Variants in CUBN observed in about 807,000 individuals in gnomAD.
CUBN encodes cubilin, also known as 460 kDa receptor.
A neutral mutation model predicts 405.3 loss-of-function variants in CUBN; 282 were observed. That is an observed-to-expected ratio of 0.70 (90% CI 0.63 to 0.77). The LOEUF is 0.77. Ranked by LOEUF, CUBN falls within the 30% of genes least tolerant of loss-of-function variation. The probability of loss-of-function intolerance (pLI) is 0.00; values close to 1 mark genes in which losing one functional copy is unlikely to be tolerated. For missense variants in CUBN, 4,514 were observed against 4,475.2 expected (o/e 1.01, Z -0.25); for synonymous variants, 1,684 against 1,617.0 (o/e 1.04, Z -0.99).
intron 19 of CUBN, among the ~76,000 whole-genome samples, chr10:17,070,549 T>C (rs1299205321): frequency 6.6e-6 from 1 of 152,192 alleles, no homozygotes; most frequent in Non-Finnish European, 1.5e-5. Flanking sequence ...TCAAGGACGT[T>C]TTATAGTCTC....
At chr10:16,947,411 C>A (rs373326002) in intron 35 of CUBN, 44 bp from the exon 36 acceptor site, 50 of 1,605,210 alleles carry the variant, frequency 3.1e-5, no homozygotes, top group Non-Finnish European at 4.1e-5. Context: ...GCAAAGACTG[C>A]ATCAGACACT....
In CUBN at chr10:16,824,971, C is replaced by A. The variant is rs1210048101; in HGVS notation, c.*4G>T. 9 of 1,607,374 alleles carry A rather than the reference C, an allele frequency of 5.6e-6. No homozygotes were observed. The South Asian group carries it at 8.8e-5, about 16-fold the overall frequency. On this transcript the variant is annotated 3_prime_UTR_variant, in exon 67 of 67. Coordinates refer to ENST00000377833, the MANE Select transcript of CUBN (RefSeq NM_001081.4). The stretch of plus-strand genomic sequence containing the variant: ...GTGCTGAGTGAACACGAGTTGTTAC[C>A]CACTTAGCTGTCCCAAGTTAATCGG...
chr10:16,876,885 A>G lies in CUBN; in HGVS notation c.9106+12T>C. On this transcript the variant is annotated intron_variant, in intron 57 of 66. Coordinates refer to ENST00000377833, the MANE Select transcript of CUBN (RefSeq NM_001081.4). ...GAAGAAAATTCCAAACTCTGTCATT[A>G]TGGCTACTCACAGATTATCCTATAG... 6.2e-7 allele frequency: 1 copy of G among 1,610,200 alleles called. No homozygotes were observed. Among genetic ancestry groups the G allele is most frequent in the Non-Finnish European group, 8.5e-7 (1 of 1,176,570 alleles).
intron 27 of CUBN, among the ~76,000 whole-genome samples, chr10:17,021,554 G>A (rs1283700162): frequency 6.6e-6 from 1 of 152,226 alleles, no homozygotes; most frequent in African/African-American, 2.4e-5. Flanking sequence ...CTACTTAAGA[G>A]TATGTGTGAG....
intron 14 of CUBN, among the ~76,000 whole-genome samples, chr10:17,096,977 A>G (rs917235955): frequency 3.3e-5 from 5 of 152,148 alleles, no homozygotes; most frequent in Admixed American, 2.6e-4. Flanking sequence ...TAGTGCATAT[A>G]TTAGAAATTC....
intron 14 of CUBN, among the ~76,000 whole-genome samples, chr10:17,095,793 A>G (rs1443074889): frequency 6.6e-6 from 1 of 152,140 alleles, no homozygotes; most frequent in Admixed American, 6.6e-5. Context: ...CTGCACTTTC[A>G]TGTTCATTGC....
In CUBN at chr10:17,019,930, AG is replaced by A; in HGVS notation, c.4070del (p.Pro1357LeufsTer106). 6.2e-7 allele frequency: 1 copy of A among 1,614,066 alleles called. No individual in the cohort carries two copies. On this transcript the variant is annotated frameshift_variant, in exon 28 of 67. Transcript: ENST00000377833. LOFTEE classifies it high-confidence loss of function. ...GCTTGGAGCTTGTAGTACTCCCTGG[AG>A]GGGGCAGGTCTACTCCACAGTAGCG... Reference protein sequence around the residue: ...MGRYCGVDLPPPGSTTSSKLQ... With the variant: ...MGRYCGVDLPXPGSTTSSKLQ...
At chr10:17,127,117 T>C (rs1282879603) in intron 3 of CUBN, among the ~76,000 whole-genome samples, 1 of 152,190 alleles carries the variant, frequency 6.6e-6, no homozygotes, top group Non-Finnish European at 1.5e-5. Context: ...ACTTCCCCAA[T>C]AAGAAGATTG....
intron 56 of CUBN, among the ~76,000 whole-genome samples, chr10:16,884,087 C>T (rs1201336623): frequency 1.3e-5 from 2 of 152,208 alleles, no homozygotes; most frequent in Non-Finnish European, 2.9e-5. Flanking sequence ...TCACGCCATT[C>T]TCCTGCTTCA....
Position 16,825,051 on chromosome 10 carries a change from G to C in CUBN, c.10796C>G (p.Ser3599Ter), listed in dbSNP as rs751696833. Residue 3599 changes from serine (S) to a stop codon, truncating the protein, a stop_gained, in exon 67 of 67, where the codon TCA (serine) becomes TGA (stop). Transcript: ENST00000377833. LOFTEE classifies it low-confidence loss of function (END_TRUNC). Reference protein sequence around the residue: ...DTSIAPFVASSNQVFIKFHAD... With the variant: ...DTSIAPFVAS ...ATGAAATTTTATGAAGACCTGATTT[G>C]AGGAAGCCACGAAGGGAGCTATGCT... 1 of 1,613,644 alleles carries C rather than the reference G, an allele frequency of 6.2e-7. No individual in the cohort carries two copies. Among genetic ancestry groups the C allele is most frequent in the South Asian group, 1.1e-5 (1 of 91,060 alleles).
intron 39 of CUBN, among the ~76,000 whole-genome samples, chr10:16,937,227 A>C (rs1363137269): frequency 6.6e-6 from 1 of 152,176 alleles, no homozygotes. Flanking sequence ...AAAAATAGTT[A>C]CTTTTATGAG....
chr10:16,953,212 C>T lies in CUBN; in HGVS notation c.4856-823G>A, dbSNP rs924780619. On this transcript the variant is annotated intron_variant, in intron 32 of 66. Transcript: ENST00000377833. ...TGACTTTCAGGAGGTTGTTACAGTC[C>T]GGATGAAAGCTAGCAGGGACTTTTT... Among the ~76,000 whole-genome samples, 6 of 152,050 alleles carry T rather than the reference C, an allele frequency of 3.9e-5. 1 individual carries two copies. Among genetic ancestry groups the T allele is most frequent in the Non-Finnish European group, 8.8e-5 (6 of 68,008 alleles).
chr10:16,847,451 C>T (rs1839549430), intron 60 of CUBN, among the ~76,000 whole-genome samples: 1 of 151,788 alleles, frequency 6.6e-6, no homozygotes, highest in Admixed American at 6.6e-5. Flanking sequence ...CACTGCAGTC[C>T]AGCCTGGGCA....
chr10:16,852,433 ATCCCTCCCTCTATCTTTCCCTCCC>A (rs1839743112), intron 59 of CUBN, among the ~76,000 whole-genome samples: 12 of 43,878 alleles, frequency 2.7e-4, no homozygotes, highest in East Asian at 6.5e-4. Flanking sequence ...CTATCTTTCC[ATCCCTCCCTCTATCTTTCCCTCCC>A]TCCCTCCCTC....
intron 27 of CUBN, among the ~76,000 whole-genome samples, chr10:17,026,759 A>G (rs2131798429): frequency 6.6e-6 from 1 of 152,344 alleles, no homozygotes; most frequent in African/African-American, 2.4e-5. Flanking sequence ...GCAAATGTAG[A>G]GGAAGGCTGA....
rs1835950411 is a variant in CUBN at position 17,080,842 on chromosome 10, G to A, written c.2301+3429C>T. Among the ~76,000 whole-genome samples, 3 of 152,148 alleles carry A rather than the reference G, an allele frequency of 2.0e-5. No individual in the cohort carries two copies. The South Asian group carries it at 6.2e-4, about 32-fold the overall frequency. On this transcript the variant is annotated intron_variant, in intron 17 of 66. Transcript: ENST00000377833. ...GTGCTGCTTTTTATTCTGGAAAGAT[G>A]CTTCCATCACCTTCATTGAACTATT...
intron 28 of CUBN, among the ~76,000 whole-genome samples, chr10:16,996,740 G>A (rs571728589): frequency 2.0e-4 from 30 of 152,324 alleles, no homozygotes; most frequent in African/African-American, 4.3e-4. Context: ...TGCAGTCAGC[G>A]CTTTGCTGGC....
In CUBN at chr10:17,127,277, T is replaced by TTTG. The variant is rs1554821851; in HGVS notation, c.349-479_349-478insCAA. On this transcript the variant is annotated intron_variant, in intron 3 of 66. Transcript: ENST00000377833. ...CTCTCTCTCTTTCTTTTTTTTTTTT[T>TTTG]TTTTTTCTGGCAAGGTCCCACTCTG... 9.1e-4 allele frequency among the ~76,000 whole-genome samples: 121 copies of TTTG among 133,454 alleles called. 1 individual carries two copies. Among genetic ancestry groups the TTTG allele is most frequent in the South Asian group, 1.2e-3 (5 of 4,282 alleles). 87.6% of individuals were successfully genotyped at this position (133,454 alleles called of 152,430 possible). A position where few individuals can be genotyped will look rare whatever the true frequency, so the allele number is the denominator to read the frequency against.
intron 22 of CUBN, among the ~76,000 whole-genome samples, chr10:17,053,644 T>C (rs1160845614): frequency 1.3e-5 from 2 of 152,110 alleles, no homozygotes; most frequent in East Asian, 3.8e-4. Flanking sequence ...TTTTAACACC[T>C]TTCTCTCAGT....
Sources: allele counts gnomAD v4.1 joint callset (sites outside exome capture counted in the v4.1 genomes callset), GRCh38; gene constraint gnomAD v4.1.1; transcripts MANE v1.5; gene names NCBI Gene and HGNC (gene_info 2026-07-23, HGNC 2026-07-21).